ACTR3C: variants seen among roughly 807,000 people sequenced by gnomAD.
The protein encoded by ACTR3C is actin related protein 3C, also known as actin-related protein 3C.
A neutral mutation model predicts 26.3 loss-of-function variants in ACTR3C; 18 were observed. That is an observed-to-expected ratio of 0.68 (90% CI 0.47 to 1.01). The LOEUF is 1.01. ACTR3C is among the 50% of genes least tolerant of loss of function. The pLI is 0.00. For synonymous variants in ACTR3C, 55 were observed against 94.5 expected (o/e 0.58, Z 2.42); for missense variants, 184 against 250.7 (o/e 0.73, Z 1.80).
the ACTR3C span, among the ~76,000 whole-genome samples, chr7:149,996,565 A>AG: frequency 4.0e-5 from 6 of 151,192 alleles, no homozygotes; most frequent in African/African-American, 1.5e-4. Context: ...GTTTGTAAAA[A>AG]TAGCAGTTCT....
chr7:149,977,573 G>A, the ACTR3C span, among the ~76,000 whole-genome samples: 43 of 152,230 alleles, frequency 2.8e-4, no homozygotes, highest in Non-Finnish European at 4.7e-4. Context: ...CCGGACCTCT[G>A]TTCAGTTACA....
intron 6 of ACTR3C, among the ~76,000 whole-genome samples, chr7:150,257,674 T>C (rs1833317817): frequency 6.6e-6 from 1 of 152,094 alleles, no homozygotes. Context: ...CAATGCCCAA[T>C]ACTCAGCAGA....
At position 150,289,079 on chromosome 7, in the gene ACTR3C, G is replaced by T. The variant is rs541308083; in HGVS notation, c.297+371C>A. On this transcript the variant is annotated intron_variant, in intron 4 of 7. Transcript: ENST00000683684. The stretch of plus-strand genomic sequence containing the variant: ...TTTGTGCAATAGCTCTGGATCCTAG[G>T]TTGGCAGTGTTCTGCTGCTGTGGTC... Among the ~76,000 whole-genome samples, 15 of 151,952 alleles carry T rather than the reference G, an allele frequency of 9.9e-5. No individual in the cohort carries two copies. The South Asian group carries it at 2.5e-3, about 25-fold the overall frequency.
chr7:150,193,392 A>G, the ACTR3C span, among the ~76,000 whole-genome samples: 1 of 140,162 alleles, frequency 7.1e-6, no homozygotes, highest in Non-Finnish European at 1.5e-5. Context: ...GATTTTCTCT[A>G]TTGATTTTTT....
At chr7:150,230,431 G>A in the ACTR3C span, among the ~76,000 whole-genome samples, 4 of 152,118 alleles carry the variant, frequency 2.6e-5, no homozygotes, top group African/African-American at 9.7e-5. Context: ...CAACCCTTGG[G>A]CAATGGACAG....
chr7:150,162,390 A>G, the ACTR3C span, among the ~76,000 whole-genome samples: 1,283 of 152,112 alleles, frequency 8.4e-3, 14 homozygotes, highest in African/African-American at 0.029. Context: ...CAATGGTGCA[A>G]TCTCGGCTCA....
At chr7:149,987,675 T>A in the ACTR3C span, among the ~76,000 whole-genome samples, 136,925 of 141,646 alleles carry the variant, frequency 0.97, 66,340 homozygotes, top group East Asian at 1. Context: ...TTTCATATTT[T>A]CTCCATATCT....
the ACTR3C span, among the ~76,000 whole-genome samples, chr7:150,169,356 C>G: frequency 7.3e-5 from 10 of 137,014 alleles, no homozygotes; most frequent in Admixed American, 7.7e-4. Context: ...GTGCTCCAGC[C>G]TGGGCAACAG....
the ACTR3C span, among the ~76,000 whole-genome samples, chr7:150,057,209 T>TGGTTATAA: frequency 6.6e-6 from 1 of 151,456 alleles, no homozygotes; most frequent in East Asian, 1.9e-4. Flanking sequence ...ATAAGATACC[T>TGGTTATAA]GGTTATAATA....
At chr7:150,210,493 GAATA>G in the ACTR3C span, among the ~76,000 whole-genome samples, 1 of 146,932 alleles carries the variant, frequency 6.8e-6, no homozygotes, top group African/African-American at 2.6e-5. Flanking sequence ...ATCAACATGT[GAATA>G]GATACACAAA....
At chr7:150,320,243 TATTA>T (rs1450865896) in intron 1 of ACTR3C, among the ~76,000 whole-genome samples, 2 of 152,264 alleles carry the variant, frequency 1.3e-5, no homozygotes, top group African/African-American at 4.8e-5. Flanking sequence ...GAAACTAATC[TATTA>T]GAGTAGGGTA....
chr7:150,180,734 T>C, the ACTR3C span, among the ~76,000 whole-genome samples: 1 of 149,192 alleles, frequency 6.7e-6, no homozygotes, highest in Non-Finnish European at 1.5e-5. Flanking sequence ...ATGGTCTCTA[T>C]CTCCTGACCT....
chr7:150,246,143 T>C (rs912197146), downstream of ACTR3C: 2 of 152,214 alleles, frequency 1.3e-5, no homozygotes, highest in Non-Finnish European at 1.5e-5. Flanking sequence ...TTGGATTCTA[T>C]AGAACCCATT....
At chr7:150,076,276 A>G in the ACTR3C span, among the ~76,000 whole-genome samples, 22,546 of 152,134 alleles carry the variant, frequency 0.15, 1,727 homozygotes, top group South Asian at 0.24. Context: ...TAGTCTTTAA[A>G]TACACACAGC....
the ACTR3C span, chr7:150,074,313 A>G: frequency 4.6e-3 from 701 of 152,200 alleles, 6 homozygotes; most frequent in African/African-American, 0.016. Flanking sequence ...TATTACAGCA[A>G]AAGGATATGA....
At chr7:149,981,075 G>A in the ACTR3C span, among the ~76,000 whole-genome samples, 3 of 152,126 alleles carry the variant, frequency 2.0e-5, no homozygotes, top group South Asian at 6.2e-4. Context: ...TAAGTTTGTA[G>A]TGTCCCCACC....
chr7:149,959,115 G>A, the ACTR3C span, among the ~76,000 whole-genome samples: 1 of 152,214 alleles, frequency 6.6e-6, no homozygotes, highest in Non-Finnish European at 1.5e-5. Context: ...AGGAGAAGTG[G>A]AGGTCATGGC....
At chr7:150,175,367 G>A in the ACTR3C span, among the ~76,000 whole-genome samples, 2 of 142,220 alleles carry the variant, frequency 1.4e-5, no homozygotes, top group Admixed American at 1.3e-4. Context: ...AAATCACTTG[G>A]TACAAATAAT....
the ACTR3C span, among the ~76,000 whole-genome samples, chr7:150,033,985 G>C: frequency 6.9e-6 from 1 of 144,122 alleles, no homozygotes; most frequent in Non-Finnish European, 1.5e-5. Flanking sequence ...CGCAGTCCCC[G>C]CCTCGGGGGG....
Sources: allele counts gnomAD v4.1 joint callset (sites outside exome capture counted in the v4.1 genomes callset), GRCh38; gene constraint gnomAD v4.1.1; transcripts MANE v1.5; gene names NCBI Gene and HGNC (gene_info 2026-07-23, HGNC 2026-07-21).